SLC25A12: variants seen among roughly 807,000 people sequenced by gnomAD.
The protein encoded by SLC25A12 is solute carrier family 25 member 12, also known as electrogenic aspartate/glutamate antiporter SLC25A12, mitochondrial.
In SLC25A12, 32 loss-of-function variants were observed where a neutral mutation model predicts 83.3. That is an observed-to-expected ratio of 0.38 (90% CI 0.29 to 0.52). The LOEUF (loss-of-function observed/expected upper bound fraction) is 0.52, where lower values mean the gene tolerates loss of function less well. Among genes scored for constraint, SLC25A12 ranks in the 20% least tolerant of loss-of-function variants. SLC25A12 has a pLI of 0.84. For missense variants in SLC25A12, 611 were observed against 835.6 expected, an observed-to-expected ratio of 0.73 and a Z score of 3.31; for synonymous variants, 267 against 291.1, an observed-to-expected ratio of 0.92 and a Z score of 0.84.
chr2:171,844,110 T>C (rs561168471), intron 5 of SLC25A12, among the ~76,000 whole-genome samples: 20 of 152,110 alleles, frequency 1.3e-4, no homozygotes, highest in African/African-American at 3.6e-4. Context: ...TCTAATCTTC[T>C]ATAGTTAGGA....
At chr2:171,833,916 A>C in intron 8 of SLC25A12, 47 bp downstream of exon 8, 1 of 1,154,468 alleles carries the variant, frequency 8.7e-7, no homozygotes. Flanking sequence ...TTCACATTTT[A>C]GAACTACTCT....
intron 8 of SLC25A12, among the ~76,000 whole-genome samples, chr2:171,832,127 T>A (rs779056056): frequency 2.6e-5 from 4 of 152,174 alleles, no homozygotes; most frequent in Non-Finnish European, 5.9e-5. Flanking sequence ...TTCAAGGCAC[T>A]TTAAAGGATA....
At chr2:171,835,188 T>C (rs1573970325) in intron 6 of SLC25A12, among the ~76,000 whole-genome samples, 3 of 152,364 alleles carry the variant, frequency 2.0e-5, no homozygotes, top group African/African-American at 7.2e-5. Flanking sequence ...TTCAAGACCC[T>C]CAACTGTGAA....
chr2:171,876,202 C>G (rs1001376146), intron 2 of SLC25A12, among the ~76,000 whole-genome samples: 1 of 152,128 alleles, frequency 6.6e-6, no homozygotes, highest in African/African-American at 2.4e-5. Context: ...TTCTCCAGCT[C>G]TCCTACTCTA....
chr2:171,848,099 C>A, intron 4 of SLC25A12: 1 of 456,218 alleles, frequency 2.2e-6, no homozygotes, highest in South Asian at 1.6e-5. Flanking sequence ...CCATCTCATC[C>A]ACCCTCATCC....
At chr2:171,872,936 T>C (rs1432001671) in intron 2 of SLC25A12, among the ~76,000 whole-genome samples, 1 of 151,468 alleles carries the variant, frequency 6.6e-6, no homozygotes, top group Non-Finnish European at 1.5e-5. Flanking sequence ...TACTAATACA[T>C]GTAGTAGAAA....
chr2:171,812,711 C>A (rs953121928), intron 11 of SLC25A12, among the ~76,000 whole-genome samples: 1 of 151,524 alleles, frequency 6.6e-6, no homozygotes, highest in Non-Finnish European at 1.5e-5. Flanking sequence ...ACATTCCCTG[C>A]GAAAGAAAAT....
At chr2:171,804,213 C>T (rs1207793280) in intron 13 of SLC25A12, among the ~76,000 whole-genome samples, 14 of 152,050 alleles carry the variant, frequency 9.2e-5, no homozygotes, top group Admixed American at 9.2e-4. Flanking sequence ...AAAAGTTAGG[C>T]ACAATGTCAT....
intron 13 of SLC25A12, among the ~76,000 whole-genome samples, chr2:171,807,379 A>C (rs1195938041): frequency 2.6e-5 from 4 of 152,224 alleles, no homozygotes; most frequent in Non-Finnish European, 5.9e-5. Flanking sequence ...CCTAAAGTTC[A>C]AACCTATAAA....
In SLC25A12 at chr2:171,785,229, C is replaced by A; in HGVS notation, c.*45G>T. 1.9e-6 allele frequency: 3 copies of A among 1,582,182 alleles called. No homozygotes were observed. The highest frequency in any genetic ancestry group is 2.6e-6 in the Non-Finnish European group (3 of 1,151,410). ...ACATTACAGGGCTGCTCTCCTAGGC[C>A]TCTTTCTTCAAGGCGCCATTTTGCC... On this transcript the variant is annotated 3_prime_UTR_variant, in exon 18 of 18. Transcript: ENST00000422440.
intron 13 of SLC25A12, among the ~76,000 whole-genome samples, chr2:171,800,755 G>A (rs1191962810): frequency 1.3e-5 from 2 of 152,146 alleles, no homozygotes; most frequent in East Asian, 1.9e-4. Context: ...AAATTCGTAC[G>A]ATGAAATACT....
chr2:171,889,166 A>C (rs1289637495), intron 2 of SLC25A12, among the ~76,000 whole-genome samples: 1 of 152,144 alleles, frequency 6.6e-6, no homozygotes, highest in African/African-American at 2.4e-5. Flanking sequence ...CAAGGAATTC[A>C]TCTACCACCT....
intron 3 of SLC25A12, among the ~76,000 whole-genome samples, chr2:171,862,081 C>T (rs1226039838): frequency 6.6e-6 from 1 of 152,028 alleles, no homozygotes. Context: ...ATTTGTAAAA[C>T]AATCAAGATT....
At chr2:171,893,172 G>A in intron 2 of SLC25A12, 33 bp downstream of exon 2, 1 of 1,582,614 alleles carries the variant, frequency 6.3e-7, no homozygotes, top group Non-Finnish European at 8.6e-7. Context: ...TTTTGTTTTT[G>A]CAATGAAAGG....
At chr2:171,788,046 A>C in intron 15 of SLC25A12, 99 bp from the exon 16 acceptor site, 2 of 1,240,410 alleles carry the variant, frequency 1.6e-6, no homozygotes, top group Non-Finnish European at 2.3e-6. Flanking sequence ...CAACCACTTG[A>C]GCGGAACTCA....
At chr2:171,799,452 G>A (rs1486189183) in intron 13 of SLC25A12, among the ~76,000 whole-genome samples, 1 of 152,190 alleles carries the variant, frequency 6.6e-6, no homozygotes, top group Non-Finnish European at 1.5e-5. Flanking sequence ...AGCTTGGCTT[G>A]CTGAGGAAGA....
At chr2:171,817,716 C>T (rs1426460674) in intron 9 of SLC25A12, among the ~76,000 whole-genome samples, 1 of 149,646 alleles carries the variant, frequency 6.7e-6, no homozygotes, top group African/African-American at 2.5e-5. Flanking sequence ...GAATTATTTT[C>T]AATCATGTAT....
intron 2 of SLC25A12, among the ~76,000 whole-genome samples, chr2:171,879,519 A>G (rs1685645593): frequency 6.6e-6 from 1 of 152,204 alleles, no homozygotes; most frequent in Non-Finnish European, 1.5e-5. Flanking sequence ...GATCTACCAA[A>G]ACAATTTTCC....
At chr2:171,831,510 A>C (rs1015033697) in intron 8 of SLC25A12, among the ~76,000 whole-genome samples, 6 of 152,238 alleles carry the variant, frequency 3.9e-5, no homozygotes, top group Admixed American at 3.3e-4. Context: ...TTCTTGTCCT[A>C]AAGTAGAATG....
Sources: gnomAD v4.1 joint callset for allele counts (sites outside exome capture counted in the v4.1 genomes callset) on GRCh38, gnomAD v4.1.1 for gene constraint, MANE v1.5 for transcripts, NCBI Gene and HGNC (gene_info 2026-07-23, HGNC 2026-07-21) for gene names.